The following TMEM61 variants were observed in gnomAD, a reference collection of about 807,000 sequenced individuals.
TMEM61 encodes transmembrane protein 61.
Under a neutral mutation model 12.0 loss-of-function variants are expected in TMEM61, and 13 were observed. The ratio of observed to expected loss-of-function variants is 1.08; its 90% CI spans 0.70 to 1.72. The LOEUF (loss-of-function observed/expected upper bound fraction) is 1.72. Among genes scored for constraint, TMEM61 ranks in the 40% most tolerant of loss-of-function variants. The pLI, the probability that TMEM61 is intolerant of heterozygous loss-of-function variation, is 0.00. For missense variants in TMEM61, 249 were observed against 276.9 expected (o/e 0.90, Z 0.71); for synonymous variants, 109 against 121.4 (o/e 0.90, Z 0.67).
intron 1 of TMEM61, among the ~76,000 whole-genome samples, chr1:54,981,665 G>A (rs1369359134): frequency 6.6e-6 from 1 of 152,162 alleles, no homozygotes; most frequent in Non-Finnish European, 1.5e-5. Context: ...ATGGAGTAGG[G>A]CACGGAGAAT....
chr1:54,991,374 C>T (rs189518798), intron 2 of TMEM61, among the ~76,000 whole-genome samples: 59 of 152,320 alleles, frequency 3.9e-4, no homozygotes, highest in Admixed American at 7.2e-4. Context: ...CTAAAGCATC[C>T]AGATGGGCAG....
At position 54,991,952 on chromosome 1, in the gene TMEM61, C is replaced by T. The variant is rs375176705; in HGVS notation, c.482C>T (p.Ser161Leu). The T allele has an allele frequency of 1.6e-4, 255 of 1,614,180 alleles. No homozygotes were observed. The highest frequency in any genetic ancestry group is 8.6e-4 in the South Asian group (78 of 91,080). Reference sequence around the variant, plus strand: ...GAGGAAGCCCTGGAGCCAAGTGGATCGAGGGATGCCCTGCTCAGCACCCAG... The same window carrying T: ...GAGGAAGCCCTGGAGCCAAGTGGATTGAGGGATGCCCTGCTCAGCACCCAG... ...PTEEALEPSG[S>L]RDALLSTQPA... The change falls in exon 3 of 3, where the codon TCG (serine) becomes TTG (leucine). Residue 161 changes from serine (S) to leucine (L), a missense_variant. Transcript: ENST00000371268.
chr1:54,986,568 T>C (rs941136926), intron 2 of TMEM61, 122 bp downstream of exon 2: 2 of 898,732 alleles, frequency 2.2e-6, no homozygotes, highest in Non-Finnish European at 3.3e-6. Context: ...TGGATCAGGC[T>C]TTGCCCTGTG....
rs1403385938 is a variant in TMEM61, at chr1:54,980,993, GTCCTCCACCACCAC to G, written c.-72_-59del. The G allele has an allele frequency of 4.2e-5, 62 of 1,493,428 alleles. No homozygotes were observed. Among genetic ancestry groups the G allele is most frequent in the Non-Finnish European group, 5.4e-5 (60 of 1,113,476 alleles). 92.5% of individuals were successfully genotyped at this position (1,493,428 alleles called of 1,614,324 possible). A position where few individuals can be genotyped will look rare whatever the true frequency, so the allele number is the denominator to read the frequency against. On this transcript the variant is annotated 5_prime_UTR_variant, in exon 1 of 3. Coordinates refer to ENST00000371268, the MANE Select transcript of TMEM61 (RefSeq NM_182532.3). ...GCTGGTAGGGTCGCTCAGCCCTGGC[GTCCTCCACCACCAC>G]ACCTTCACCTGCGCCCGGCTCCCTG...
intron 2 of TMEM61, among the ~76,000 whole-genome samples, chr1:54,991,448 A>G (rs1644297202): frequency 6.6e-6 from 1 of 152,184 alleles, no homozygotes; most frequent in South Asian, 2.1e-4. Flanking sequence ...GGATATTTCA[A>G]TAGGCGGGAG....
chr1:54,989,761 C>T (rs1287622829), intron 2 of TMEM61, among the ~76,000 whole-genome samples: 2 of 152,200 alleles, frequency 1.3e-5, no homozygotes, highest in African/African-American at 4.8e-5. Context: ...CAGAACTCAC[C>T]GGCACCTGTG....
At position 54,981,015 on chromosome 1, in the gene TMEM61, C is replaced by G; in HGVS notation, c.-51C>G. 1.3e-6 allele frequency: 2 copies of G among 1,534,646 alleles called. 1 individual carries two copies. On this transcript the variant is annotated 5_prime_UTR_variant, in exon 1 of 3. Transcript: ENST00000371268. ...GGCGTCCTCCACCACCACACCTTCA[C>G]CTGCGCCCGGCTCCCTGCGCGCCTG...
chr1:54,984,044 TCACACACACATGCA>T (rs1270063887), intron 1 of TMEM61, among the ~76,000 whole-genome samples: 1 of 151,978 alleles, frequency 6.6e-6, no homozygotes, highest in Non-Finnish European at 1.5e-5. Context: ...TCTCTCTCTC[TCACACACACATGCA>T]CACACACACA....
chr1:54,991,317 G>T (rs1213206423), intron 2 of TMEM61, among the ~76,000 whole-genome samples: 1 of 152,192 alleles, frequency 6.6e-6, no homozygotes, highest in African/African-American at 2.4e-5. Context: ...TCCATCCCTG[G>T]AGGTATGCAA....
intron 1 of TMEM61, among the ~76,000 whole-genome samples, chr1:54,981,539 A>G (rs1436111938): frequency 6.6e-6 from 1 of 152,044 alleles, no homozygotes; most frequent in African/African-American, 2.4e-5. Flanking sequence ...AATCACTTGA[A>G]CTCAGGAGGC....
intron 1 of TMEM61, among the ~76,000 whole-genome samples, chr1:54,985,342 T>G (rs1375141367): frequency 4.6e-5 from 7 of 152,152 alleles, no homozygotes; most frequent in South Asian, 2.1e-4. Flanking sequence ...GTTCAAGTGA[T>G]TCTCCTGCCT....
Position 54,991,976 on chromosome 1 carries a change from AG to A in TMEM61, c.507del (p.Gln169HisfsTer46), listed in dbSNP as rs781731157. 6.2e-7 allele frequency: 1 copy of A among 1,614,154 alleles called. No homozygotes were observed. Among genetic ancestry groups the A allele is most frequent in the Admixed American group, 1.7e-5 (1 of 60,018 alleles). ...TCGAGGGATGCCCTGCTCAGCACCC[AG>A]CCCGCCTGGCCTCCACCCAGCTATG... is the stretch of plus-strand genomic sequence containing the variant. ...SGSRDALLST[Q>X]PAWPPPSYES... On this transcript the variant is annotated frameshift_variant, in exon 3 of 3. Coordinates refer to ENST00000371268, the MANE Select transcript of TMEM61 (RefSeq NM_182532.3). LOFTEE classifies it low-confidence loss of function (END_TRUNC).
At chr1:54,983,581 T>C (rs1264792041) in intron 1 of TMEM61, among the ~76,000 whole-genome samples, 1 of 152,192 alleles carries the variant, frequency 6.6e-6, no homozygotes, top group African/African-American at 2.4e-5. Flanking sequence ...TGTACCTGGC[T>C]TTGGACCAGG....
chr1:54,989,514 G>A (rs1351784920), intron 2 of TMEM61, among the ~76,000 whole-genome samples: 1 of 152,236 alleles, frequency 6.6e-6, no homozygotes, highest in East Asian at 1.9e-4. Flanking sequence ...GGCACTTCCT[G>A]TGCGGGGAGA....
intron 2 of TMEM61, 38 bp from the exon 3 acceptor site, chr1:54,991,798 C>T: frequency 6.2e-7 from 1 of 1,602,384 alleles, no homozygotes; most frequent in Non-Finnish European, 8.5e-7. Flanking sequence ...CAGGGTCTGC[C>T]CCAGCCCCTG....
chr1:54,986,586 T>C (rs1283382789), intron 2 of TMEM61, 140 bp downstream of exon 2: 4 of 757,826 alleles, frequency 5.3e-6, no homozygotes, highest in Non-Finnish European at 8.3e-6. Flanking sequence ...GTGTCCTGGG[T>C]ACACGGAAGC....
At chr1:54,982,699 A>G (rs981576594) in intron 1 of TMEM61, among the ~76,000 whole-genome samples, 2 of 152,192 alleles carry the variant, frequency 1.3e-5, no homozygotes, top group Non-Finnish European at 2.9e-5. Flanking sequence ...AGACAAGTAC[A>G]TCTATTTGCA....
chr1:54,986,070 C>T (rs1644255631), intron 1 of TMEM61, 27 bp from the exon 2 acceptor site: 4 of 1,549,192 alleles, frequency 2.6e-6, no homozygotes, highest in Admixed American at 3.6e-5. Context: ...GGCCCATTTC[C>T]TCTTCTCCCT....
In TMEM61 at chr1:54,992,240, C is replaced by G; in HGVS notation, c.*137C>G. The G allele has an allele frequency of 9.7e-7, 1 of 1,033,404 alleles. No homozygotes were observed. Among genetic ancestry groups the G allele is most frequent in the Non-Finnish European group, 1.4e-6 (1 of 718,058 alleles). The allele number at this position is 1,033,404 out of a possible 1,614,324, so 64.0% of individuals were successfully genotyped here. A position where few individuals can be genotyped will look rare whatever the true frequency, so the allele number is the denominator to read the frequency against. On this transcript the variant is annotated 3_prime_UTR_variant, in exon 3 of 3. Coordinates refer to ENST00000371268, the MANE Select transcript of TMEM61 (RefSeq NM_182532.3). Reference sequence around the variant, plus strand: ...GTTCTATTTATCTATTGCTGTATAACAAACCACCCCAGAATTTAGTGGCTT... The same window carrying G: ...GTTCTATTTATCTATTGCTGTATAAGAAACCACCCCAGAATTTAGTGGCTT...
Sources: gnomAD v4.1 joint callset for allele counts (sites outside exome capture counted in the v4.1 genomes callset) on GRCh38, gnomAD v4.1.1 for gene constraint, MANE v1.5 for transcripts, NCBI Gene and HGNC (gene_info 2026-07-23, HGNC 2026-07-21) for gene names.